COPZ1: variants seen among roughly 807,000 people sequenced by gnomAD.
COPZ1 encodes coatomer subunit zeta-1.
A neutral mutation model predicts 31.7 loss-of-function variants in COPZ1; 4 were observed. That is an observed-to-expected ratio of 0.13 (90% CI 0.06 to 0.29). The LOEUF is 0.29. Ranked by LOEUF, COPZ1 falls within the 10% of genes least tolerant of loss-of-function variation. The pLI, the probability that COPZ1 is intolerant of heterozygous loss-of-function variation, is 1.00. For synonymous variants in COPZ1, 74 were observed against 79.0 expected (o/e 0.94, Z 0.33); for missense variants, 156 against 211.5 (o/e 0.74, Z 1.63).
chr12:54,338,208 G>C (rs73314647), intron 1 of COPZ1, among the ~76,000 whole-genome samples: 3,485 of 152,268 alleles, frequency 0.023, 139 homozygotes, highest in African/African-American at 0.08. Flanking sequence ...TCCAGGAAAA[G>C]GTTGTGGGAA....
chr12:54,326,643 GT>G lies in COPZ1; in HGVS notation c.18+1463del, dbSNP rs1555152175. 2.8e-3 allele frequency among the ~76,000 whole-genome samples: 65 copies of G among 22,916 alleles called. 1 individual carries two copies. The highest frequency in any genetic ancestry group is 0.022 in the African/African-American group (51 of 2,342). The allele number at this position is 22,916 out of a possible 152,430, so 15.0% of individuals were successfully genotyped here. On this transcript the variant is annotated intron_variant, in intron 1 of 8. Transcript: ENST00000262061. ...GCCCTATTTTGCGATTTGGAGGGGT[GT>G]GTGTGTGTGTGTGTGTGTGTGTGTG... is the stretch of plus-strand genomic sequence containing the variant.
chr12:54,343,703 T>A (rs1954011902), intron 4 of COPZ1, among the ~76,000 whole-genome samples: 1 of 152,176 alleles, frequency 6.6e-6, no homozygotes, highest in African/African-American at 2.4e-5. Context: ...AACCATACAT[T>A]CTGAATGGAT....
In COPZ1 at chr12:54,337,978, C is replaced by G. The variant is rs189716542; in HGVS notation, c.19-2569C>G. Among the ~76,000 whole-genome samples the G allele has an allele frequency of 1.9e-3, 291 of 152,290 alleles. 1 individual carries two copies. The East Asian group carries it at 0.03, about 16-fold the overall frequency. On this transcript the variant is annotated intron_variant, in intron 1 of 8. Transcript: ENST00000262061. ...ATATGTTCTCTCTTTGCCGGTGTGG[C>G]TGTTGTAGGCACTCACACCCTGTTG...
chr12:54,347,826 A>T lies in COPZ1; in HGVS notation c.377A>T (p.Asp126Val). Reference protein sequence around the residue: ...ENMEGLFLAVDEIVDGGVILE... With the variant: ...ENMEGLFLAVVEIVDGGVILE... Reference sequence around the variant, plus strand: ...ATGGAGGGGCTGTTCTTGGCTGTGGATGAAATTGTAGATGGAGGGTAAGTT... The same window carrying T: ...ATGGAGGGGCTGTTCTTGGCTGTGGTTGAAATTGTAGATGGAGGGTAAGTT... The change falls in exon 6 of 9, where the codon GAT becomes GTT. Residue 126 changes from aspartate (D) to valine (V), a missense_variant. Transcript: ENST00000262061. 1.2e-6 allele frequency: 2 copies of T among 1,612,248 alleles called. No individual in the cohort carries two copies. The highest frequency in any genetic ancestry group is 1.7e-6 in the Non-Finnish European group (2 of 1,179,520).
chr12:54,336,536 C>T (rs78412813), intron 1 of COPZ1, among the ~76,000 whole-genome samples: 1 of 133,752 alleles, frequency 7.5e-6, no homozygotes, highest in African/African-American at 2.7e-5. Flanking sequence ...GACTCCGTCT[C>T]AAAAAAAAAA....
Position 54,343,368 on chromosome 12 carries a change from A to G in COPZ1, c.261+52A>G, listed in dbSNP as rs777376333. On this transcript the variant is annotated intron_variant, in intron 4 of 8. Transcript: ENST00000262061. ...TTTCTGATCCTACTTTCTAAACCAC[A>G]GGCAGTACATAGCCACTGGTTTGGG... 2.7e-6 allele frequency: 4 copies of G among 1,468,688 alleles called. No individual in the cohort carries two copies. The East Asian group carries it at 9.0e-5, about 33-fold the overall frequency. 91.0% of individuals were successfully genotyped at this position (1,468,688 alleles called of 1,614,324 possible).
chr12:54,338,086 A>G (rs1393839489), intron 1 of COPZ1, among the ~76,000 whole-genome samples: 1 of 151,896 alleles, frequency 6.6e-6, no homozygotes, highest in Non-Finnish European at 1.5e-5. Context: ...GGGATGCCAA[A>G]CTCTATGGCT....
At chr12:54,329,484 T>C (rs1471276284) in intron 1 of COPZ1, among the ~76,000 whole-genome samples, 3 of 152,060 alleles carry the variant, frequency 2.0e-5, no homozygotes, top group Non-Finnish European at 4.4e-5. Context: ...CACGGGAGAC[T>C]GAGGCAGGAG....
At chr12:54,326,287 T>C (rs1485730333) in intron 1 of COPZ1, among the ~76,000 whole-genome samples, 3 of 148,314 alleles carry the variant, frequency 2.0e-5, no homozygotes, top group African/African-American at 7.5e-5. Flanking sequence ...CTACAGGCGC[T>C]CGCCACCACT....
At chr12:54,329,098 C>G (rs962927227) in intron 1 of COPZ1, among the ~76,000 whole-genome samples, 1 of 152,182 alleles carries the variant, frequency 6.6e-6, no homozygotes, top group Non-Finnish European at 1.5e-5. Context: ...CCTTTCATCT[C>G]TTTTAGTTCC....
Position 54,343,117 on chromosome 12 carries a change from A to G in COPZ1, c.170-108A>G, listed in dbSNP as rs58354012. On this transcript the variant is annotated intron_variant, in intron 3 of 8. Transcript: ENST00000262061. Reference sequence around the variant, plus strand: ...GGTGATCCGCCAGGCTCGGCTTCCCAAGGTGCTGGGATTACAGGCATGAGC... The same window carrying G: ...GGTGATCCGCCAGGCTCGGCTTCCCGAGGTGCTGGGATTACAGGCATGAGC... The G allele has an allele frequency of 2.6e-3, 2,204 of 855,606 alleles. 30 individuals carry two copies. The African/African-American group carries it at 0.032, about 12-fold the overall frequency. 53.0% of individuals were successfully genotyped at this position (855,606 alleles called of 1,614,324 possible).
intron 1 of COPZ1, among the ~76,000 whole-genome samples, chr12:54,329,601 C>G (rs1025054311): frequency 1.4e-4 from 21 of 152,132 alleles, no homozygotes; most frequent in Admixed American, 6.5e-5. Flanking sequence ...AAACTGAATT[C>G]TGTATCGGTT....
At chr12:54,335,590 G>T (rs986632115) in intron 1 of COPZ1, among the ~76,000 whole-genome samples, 5 of 150,734 alleles carry the variant, frequency 3.3e-5, no homozygotes, top group Non-Finnish European at 7.4e-5. Context: ...TGTAATTTTG[G>T]TAGAGACAGG....
chr12:54,339,273 A>G (rs931880045), intron 1 of COPZ1, among the ~76,000 whole-genome samples: 11 of 151,796 alleles, frequency 7.2e-5, no homozygotes, highest in African/African-American at 9.7e-5. Flanking sequence ...AAAAAAAAAA[A>G]AAAAGAAAGT....
At chr12:54,342,507 C>G (rs754197175) in intron 3 of COPZ1, 17 of 557,778 alleles carry the variant, frequency 3.0e-5, no homozygotes, top group Non-Finnish European at 5.1e-5. Context: ...CCTGTCTAGT[C>G]CCTGGATTTA....
At chr12:54,337,303 G>A (rs764856817) in intron 1 of COPZ1, 5 of 534,084 alleles carry the variant, frequency 9.4e-6, no homozygotes, top group Admixed American at 1.9e-5. Context: ...ACTTTGTCTC[G>A]AAAGCTTTCT....
intron 1 of COPZ1, among the ~76,000 whole-genome samples, chr12:54,331,004 A>C (rs1055999240): frequency 1.3e-5 from 2 of 152,084 alleles, no homozygotes; most frequent in Admixed American, 6.6e-5. Context: ...GTTTCCTTAC[A>C]TCAGATTATT....
At chr12:54,342,327 A>G in intron 3 of COPZ1, 40 bp downstream of exon 3, 1 of 1,461,450 alleles carries the variant, frequency 6.8e-7, no homozygotes, top group Non-Finnish European at 9.6e-7. Context: ...TGCTGGGGGG[A>G]ACCATGGTGG....
chr12:54,347,930 G>A, intron 6 of COPZ1, 70 bp from the exon 7 acceptor site: 3 of 1,605,028 alleles, frequency 1.9e-6, no homozygotes, highest in East Asian at 2.2e-5. Context: ...GTGGCCAGAG[G>A]TCCTGTTCCC....
Sources: allele counts gnomAD v4.1 joint callset (sites outside exome capture counted in the v4.1 genomes callset), GRCh38; gene constraint gnomAD v4.1.1; transcripts MANE v1.5; gene names NCBI Gene and HGNC (gene_info 2026-07-23, HGNC 2026-07-21).